CFAP20DC: variants seen among roughly 807,000 people sequenced by gnomAD.
The protein encoded by CFAP20DC is protein CFAP20DC.
In CFAP20DC, 84 loss-of-function variants were observed where a neutral mutation model predicts 101.7. That is an observed-to-expected ratio of 0.83 (90% CI 0.69 to 0.99). The LOEUF (loss-of-function observed/expected upper bound fraction) is 0.99. Ranked by LOEUF, CFAP20DC falls within the 50% of genes least tolerant of loss-of-function variation. CFAP20DC has a pLI of 0.00. For synonymous variants in CFAP20DC, 359 were observed against 351.2 expected, an observed-to-expected ratio of 1.02 and a Z score of -0.25; for missense variants, 1,007 against 970.3, an observed-to-expected ratio of 1.04 and a Z score of -0.50.
At chr3:58,867,535 C>T (rs1373355591) in intron 10 of CFAP20DC, among the ~76,000 whole-genome samples, 2 of 152,046 alleles carry the variant, frequency 1.3e-5, no homozygotes, top group African/African-American at 4.8e-5. Context: ...CACATTTGGG[C>T]CATTTTTTTC....
chr3:58,926,287 A>G (rs1269553321), intron 5 of CFAP20DC, among the ~76,000 whole-genome samples: 1 of 151,846 alleles, frequency 6.6e-6, no homozygotes, highest in African/African-American at 2.4e-5. Context: ...AATTGTTTGA[A>G]CCTGAGAGGC....
chr3:58,960,918 C>T (rs1328526318), intron 4 of CFAP20DC, among the ~76,000 whole-genome samples: 6 of 152,124 alleles, frequency 3.9e-5, no homozygotes, highest in Non-Finnish European at 8.8e-5. Context: ...AGTTTTCCTT[C>T]TTATCCTAGT....
chr3:58,790,440 T>C (rs1356779051), intron 15 of CFAP20DC, among the ~76,000 whole-genome samples: 1 of 152,204 alleles, frequency 6.6e-6, no homozygotes, highest in Non-Finnish European at 1.5e-5. Flanking sequence ...AAGTTGCCAT[T>C]TGGCCTGCCA....
intron 6 of CFAP20DC, among the ~76,000 whole-genome samples, chr3:58,898,907 T>C (rs1288464135): frequency 6.7e-6 from 1 of 150,374 alleles, no homozygotes; most frequent in Non-Finnish European, 1.5e-5. Flanking sequence ...GTTTTCTCTT[T>C]GTTTTTTTTT....
chr3:58,810,438 A>G (rs1442576314), intron 14 of CFAP20DC, among the ~76,000 whole-genome samples: 3 of 152,316 alleles, frequency 2.0e-5, no homozygotes, highest in East Asian at 3.8e-4. Flanking sequence ...TATAAACAGA[A>G]CTGAAGACAA....
At chr3:58,933,855 A>G (rs1472714421) in intron 5 of CFAP20DC, among the ~76,000 whole-genome samples, 2 of 151,890 alleles carry the variant, frequency 1.3e-5, no homozygotes, top group African/African-American at 4.8e-5. Context: ...CATCACAATT[A>G]AAACAACTAG....
intron 4 of CFAP20DC, among the ~76,000 whole-genome samples, chr3:58,981,532 G>C (rs2092545271): frequency 6.6e-6 from 1 of 152,300 alleles, no homozygotes; most frequent in East Asian, 1.9e-4. Flanking sequence ...GAACAGAACA[G>C]AGCCCTCAGA....
intron 14 of CFAP20DC, among the ~76,000 whole-genome samples, chr3:58,824,259 C>G (rs1195443488): frequency 6.6e-6 from 1 of 152,032 alleles, no homozygotes; most frequent in Non-Finnish European, 1.5e-5. Flanking sequence ...AAATTAAAAC[C>G]TATTAATTAT....
At chr3:58,879,694 T>G (rs949050786) in intron 7 of CFAP20DC, among the ~76,000 whole-genome samples, 5 of 152,178 alleles carry the variant, frequency 3.3e-5, no homozygotes, top group Admixed American at 3.3e-4. Flanking sequence ...TGATAAATGC[T>G]GTGCTGAAAG....
intron 4 of CFAP20DC, among the ~76,000 whole-genome samples, chr3:58,998,222 C>G (rs1299916701): frequency 6.6e-6 from 1 of 152,170 alleles, no homozygotes; most frequent in Non-Finnish European, 1.5e-5. Context: ...GAGGGACCCT[C>G]TCAATACATG....
chr3:58,932,456 C>G (rs960678826), intron 5 of CFAP20DC, among the ~76,000 whole-genome samples: 1 of 151,886 alleles, frequency 6.6e-6, no homozygotes, highest in African/African-American at 2.4e-5. Flanking sequence ...AGAGCAACTC[C>G]AAGACACATA....
At chr3:58,761,831 A>G (rs2069633822) in intron 15 of CFAP20DC, among the ~76,000 whole-genome samples, 2 of 152,096 alleles carry the variant, frequency 1.3e-5, no homozygotes, top group South Asian at 2.1e-4. Context: ...TTCAGTTTCC[A>G]TGTAGTTGAG....
chr3:58,842,572 G>A (rs1048139928), intron 13 of CFAP20DC, among the ~76,000 whole-genome samples: 1 of 152,142 alleles, frequency 6.6e-6, no homozygotes, highest in African/African-American at 2.4e-5. Context: ...CTGCAAGGCG[G>A]CAGCGAGCTG....
intron 14 of CFAP20DC, among the ~76,000 whole-genome samples, chr3:58,814,277 T>C (rs1409231437): frequency 6.6e-6 from 1 of 151,906 alleles, no homozygotes; most frequent in Non-Finnish European, 1.5e-5. Context: ...GGTTACAGAA[T>C]CCTATCTTGT....
chr3:58,848,752 A>G (rs1339347045), intron 13 of CFAP20DC, among the ~76,000 whole-genome samples: 1 of 152,188 alleles, frequency 6.6e-6, no homozygotes, highest in Non-Finnish European at 1.5e-5. Flanking sequence ...GATAACTACA[A>G]ATTATGGGAA....
At position 58,824,646 on chromosome 3, in the gene CFAP20DC, G is replaced by A. The variant is rs1252626867; in HGVS notation, c.2175+7040C>T. On this transcript the variant is annotated intron_variant, in intron 14 of 16. Coordinates refer to ENST00000482387, the MANE Select transcript of CFAP20DC (RefSeq NM_001394063.1). ...GCGATAATGTTGCAAGGTTAATCAA[G>A]ACCATAAATAACTTGTCTGAGAACC... 4 of 152,222 alleles carry A rather than the reference G, an allele frequency of 2.6e-5. No homozygotes were observed. In the East Asian group the frequency reaches 7.7e-4, roughly 29 times the overall value. The allele number at this position is 152,222 out of a possible 1,614,324, so 9.4% of individuals were successfully genotyped here. A position where few individuals can be genotyped will look rare whatever the true frequency, so the allele number is the denominator to read the frequency against.
chr3:58,851,425 T>C (rs1014620178), intron 12 of CFAP20DC, among the ~76,000 whole-genome samples: 7 of 152,142 alleles, frequency 4.6e-5, no homozygotes, highest in African/African-American at 1.7e-4. Flanking sequence ...GAGTATATCA[T>C]ACTGAGTAAT....
At chr3:59,028,021 G>C (rs2093923473) in intron 4 of CFAP20DC, among the ~76,000 whole-genome samples, 1 of 152,176 alleles carries the variant, frequency 6.6e-6, no homozygotes, top group Admixed American at 6.5e-5. Context: ...GTCTTTTGTG[G>C]GTTGACACCT....
downstream of CFAP20DC, among the ~76,000 whole-genome samples, chr3:58,741,382 CAGGTCACAGGA>C (rs1318866391): frequency 6.6e-6 from 1 of 151,996 alleles, no homozygotes; most frequent in East Asian, 1.9e-4. Context: ...CAGGCCCAGG[CAGGTCACAGGA>C]GTGGTGATGA....
Sources: allele counts gnomAD v4.1 joint callset (sites outside exome capture counted in the v4.1 genomes callset), GRCh38; gene constraint gnomAD v4.1.1; transcripts MANE v1.5; gene names NCBI Gene and HGNC (gene_info 2026-07-23, HGNC 2026-07-21).